The following CDH13 variants were observed in gnomAD, a reference collection of about 807,000 sequenced individuals.
CDH13 encodes the protein cadherin-13.
Under a neutral mutation model 63.8 loss-of-function variants are expected in CDH13, and 24 were observed. The ratio of observed to expected loss-of-function variants is 0.38; its 90% CI spans 0.27 to 0.53. The LOEUF is 0.53. Ranked by LOEUF, CDH13 falls within the 20% of genes least tolerant of loss-of-function variation. CDH13 has a pLI of 0.85. For synonymous variants in CDH13, 503 were observed against 355.3 expected, an observed-to-expected ratio of 1.42 and a Z score of -4.67; for missense variants, 1,049 against 903.1, an observed-to-expected ratio of 1.16 and a Z score of -2.07.
At chr16:83,631,604 A>G (rs1198414115) in intron 8 of CDH13, among the ~76,000 whole-genome samples, 1 of 152,074 alleles carries the variant, frequency 6.6e-6, no homozygotes. Context: ...CTCCCCAAAG[A>G]GGAAAGGAAA....
At chr16:83,650,146 G>A (rs1261501183) in intron 8 of CDH13, among the ~76,000 whole-genome samples, 1 of 152,050 alleles carries the variant, frequency 6.6e-6, no homozygotes, top group Non-Finnish European at 1.5e-5. Context: ...TCAATGTGTT[G>A]CACCTGCATC....
At chr16:83,669,611 C>T (rs1454820393) in intron 8 of CDH13, among the ~76,000 whole-genome samples, 5 of 152,154 alleles carry the variant, frequency 3.3e-5, no homozygotes, top group African/African-American at 4.8e-5. Context: ...CCAGGTTTGC[C>T]GAGGCGCAAT....
intron 4 of CDH13, among the ~76,000 whole-genome samples, chr16:83,127,011 G>T (rs747908480): frequency 7.2e-5 from 11 of 152,204 alleles, no homozygotes; most frequent in Non-Finnish European, 1.6e-4. Flanking sequence ...GTGATGGCTG[G>T]TTGGAGGTAC....
intron 8 of CDH13, among the ~76,000 whole-genome samples, chr16:83,617,478 A>G (rs1909386311): frequency 6.6e-6 from 1 of 151,646 alleles, no homozygotes; most frequent in Non-Finnish European, 1.5e-5. Flanking sequence ...CTAATATATA[A>G]TATCTATTGT....
chr16:83,433,121 C>G (rs1360680465), intron 6 of CDH13, among the ~76,000 whole-genome samples: 1 of 152,122 alleles, frequency 6.6e-6, no homozygotes, highest in Non-Finnish European at 1.5e-5. Context: ...TACTGAGCAC[C>G]TACTATGTGC....
chr16:83,604,057 A>G (rs1231260947), intron 8 of CDH13, among the ~76,000 whole-genome samples: 1 of 152,218 alleles, frequency 6.6e-6, no homozygotes, highest in East Asian at 1.9e-4. Flanking sequence ...GTCACCTCCC[A>G]CCAGGCCCCA....
intron 7 of CDH13, among the ~76,000 whole-genome samples, chr16:83,487,358 C>T (rs2073913681): frequency 6.6e-6 from 1 of 152,158 alleles, no homozygotes; most frequent in South Asian, 2.1e-4. Flanking sequence ...CATCAGAAAT[C>T]CTGGAGACAT....
chr16:82,766,812 T>A (rs1434620899), intron 1 of CDH13, among the ~76,000 whole-genome samples: 2 of 152,228 alleles, frequency 1.3e-5, no homozygotes, highest in Non-Finnish European at 2.9e-5. Context: ...AAATATACTA[T>A]AACATATAAT....
chr16:83,556,800 G>A (rs1056745997), intron 7 of CDH13, among the ~76,000 whole-genome samples: 45 of 152,182 alleles, frequency 3.0e-4, no homozygotes, highest in African/African-American at 1.1e-3. Context: ...CCACACTTAG[G>A]CAAGAAGAAA....
At chr16:83,430,765 C>T (rs2072074800) in intron 6 of CDH13, among the ~76,000 whole-genome samples, 1 of 152,098 alleles carries the variant, frequency 6.6e-6, no homozygotes, top group Non-Finnish European at 1.5e-5. Context: ...TTCCACATTC[C>T]AGATTTTTAA....
chr16:83,233,339 G>T (rs546639174), intron 5 of CDH13, among the ~76,000 whole-genome samples: 1 of 152,216 alleles, frequency 6.6e-6, no homozygotes, highest in African/African-American at 2.4e-5. Flanking sequence ...AGCAGTGCTT[G>T]CAGGCTTGGC....
chr16:83,452,321 C>T (rs2072907024), intron 6 of CDH13, among the ~76,000 whole-genome samples: 1 of 150,726 alleles, frequency 6.6e-6, no homozygotes, highest in Non-Finnish European at 1.5e-5. Context: ...TCTTACATGA[C>T]TCATTTTTTT....
intron 2 of CDH13, among the ~76,000 whole-genome samples, chr16:83,017,558 C>A (rs539747569): frequency 6.6e-5 from 10 of 152,272 alleles, no homozygotes; most frequent in Admixed American, 3.3e-4. Context: ...GTTTTCTCCC[C>A]TACCTTCATG....
At chr16:83,602,409 C>G (rs557868488) in intron 7 of CDH13, 45 bp from the exon 8 acceptor site, 1 of 1,611,248 alleles carries the variant, frequency 6.2e-7, no homozygotes, top group African/African-American at 1.3e-5. Flanking sequence ...AAGCAGTAAC[C>G]CAAATCTAAA....
intron 3 of CDH13, among the ~76,000 whole-genome samples, chr16:83,106,946 A>G (rs562476150): frequency 1.0e-3 from 157 of 152,172 alleles, no homozygotes; most frequent in African/African-American, 3.5e-3. Context: ...AGCCCAACAT[A>G]TAGTGCATCC....
At chr16:83,780,544 A>G (rs1005083301) in intron 12 of CDH13, among the ~76,000 whole-genome samples, 30 of 152,166 alleles carry the variant, frequency 2.0e-4, no homozygotes, top group Admixed American at 5.9e-4. Flanking sequence ...AGGGGGCACA[A>G]CTGCAGGTTT....
At chr16:82,720,184 G>A (rs540999137) in intron 1 of CDH13, among the ~76,000 whole-genome samples, 1 of 152,230 alleles carries the variant, frequency 6.6e-6, no homozygotes, top group African/African-American at 2.4e-5. Context: ...CGTAGTGGTG[G>A]TGGGTTAAAT....
intron 5 of CDH13, among the ~76,000 whole-genome samples, chr16:83,264,283 G>T (rs772358514): frequency 2.6e-5 from 4 of 152,074 alleles, no homozygotes; most frequent in Admixed American, 6.6e-5. Context: ...CTTTCTGTTG[G>T]ATCACACTGA....
At chr16:82,899,544 C>T (rs944282387) in intron 2 of CDH13, among the ~76,000 whole-genome samples, 16 of 152,064 alleles carry the variant, frequency 1.1e-4, no homozygotes, top group African/African-American at 2.7e-4. Flanking sequence ...GCCCTAGTTT[C>T]GGAACTCAGA....
Sources: allele counts gnomAD v4.1 joint callset (sites outside exome capture counted in the v4.1 genomes callset), GRCh38; gene constraint gnomAD v4.1.1; transcripts MANE v1.5; gene names NCBI Gene and HGNC (gene_info 2026-07-23, HGNC 2026-07-21).